The following JAKMIP3 variants were observed in gnomAD, a reference collection of about 807,000 sequenced individuals.
JAKMIP3 encodes the protein Janus kinase and microtubule interacting protein 3.
A neutral mutation model predicts 118.5 loss-of-function variants in JAKMIP3; 58 were observed. The ratio of observed to expected loss-of-function variants is 0.49; its 90% CI spans 0.40 to 0.61. JAKMIP3 has a LOEUF of 0.61. JAKMIP3 is among the 20% of genes least tolerant of loss of function. JAKMIP3 has a pLI of 0.00. For synonymous variants in JAKMIP3, 486 were observed against 451.2 expected (o/e 1.08, Z -0.98); for missense variants, 950 against 1,109.0 (o/e 0.86, Z 2.04).
intron 7 of JAKMIP3, 29 bp downstream of exon 7, chr10:132,137,179 C>T (rs372686219): frequency 7.3e-5 from 118 of 1,613,758 alleles, no homozygotes; most frequent in East Asian, 3.6e-4. Context: ...GCTGCGGCCC[C>T]GTCCTCTGGC....
chr10:132,086,741 A>G (rs930040453), intron 1 of JAKMIP3, among the ~76,000 whole-genome samples: 5 of 152,158 alleles, frequency 3.3e-5, no homozygotes, highest in Non-Finnish European at 5.9e-5. Flanking sequence ...CCTTAAGTTT[A>G]TGTGAGTCCT....
At chr10:132,071,876 C>CTTTCTTTCTTTCCTTCCTTTCTTTCT (rs202017307) in intron 1 of JAKMIP3, among the ~76,000 whole-genome samples, 3 of 41,844 alleles carry the variant, frequency 7.2e-5, no homozygotes, top group African/African-American at 2.4e-4. Context: ...TCTTTCTTTC[C>CTTTCTTTCTTTCCTTCCTTTCTTTCT]TTCCTTTCTT....
intron 23 of JAKMIP3, among the ~76,000 whole-genome samples, chr10:132,173,540 C>G (rs974347222): frequency 6.6e-5 from 10 of 152,104 alleles, no homozygotes; most frequent in Non-Finnish European, 4.4e-5. Context: ...CAGGTGGGGT[C>G]TCTTCTTACC....
intron 1 of JAKMIP3, among the ~76,000 whole-genome samples, chr10:132,050,107 T>C (rs2038055431): frequency 6.6e-6 from 1 of 152,338 alleles, no homozygotes; most frequent in African/African-American, 2.4e-5. Context: ...TCTCTCTTCC[T>C]TTTTGCCTTC....
chr10:132,046,472 C>A (rs4880309), intron 1 of JAKMIP3, among the ~76,000 whole-genome samples: 1 of 131,634 alleles, frequency 7.6e-6, no homozygotes, highest in South Asian at 2.7e-4. Flanking sequence ...AAAAAAAAAA[C>A]AACCATCCAG....
At chr10:132,147,816 C>T (rs962948030) in intron 13 of JAKMIP3, 136 bp from the exon 14 acceptor site, 6 of 602,914 alleles carry the variant, frequency 1.0e-5, no homozygotes, top group East Asian at 2.9e-5. Context: ...GGCTGTGAGG[C>T]GCTTCCAGGG....
chr10:132,077,620 T>C (rs572726103), intron 1 of JAKMIP3, among the ~76,000 whole-genome samples: 32 of 152,264 alleles, frequency 2.1e-4, no homozygotes, highest in Non-Finnish European at 4.0e-4. Flanking sequence ...TGACATTCTC[T>C]TGTGATTTTC....
chr10:132,154,065 C>A lies in JAKMIP3; in HGVS notation c.2220+75C>A. On this transcript the variant is annotated intron_variant, in intron 19 of 23. Transcript: ENST00000684848. ...ACGGCCACGTGGCTCAGGTGCCCAG[C>A]AGTGCCTCAGGTGCCCATGTGGGCC... 2.9e-6 allele frequency: 4 copies of A among 1,373,628 alleles called. No homozygotes were observed. The South Asian group carries it at 3.6e-5, about 12-fold the overall frequency. 85.1% of individuals were successfully genotyped at this position (1,373,628 alleles called of 1,614,324 possible).
At chr10:132,043,638 A>G (rs771034552) in intron 1 of JAKMIP3, among the ~76,000 whole-genome samples, 3 of 152,132 alleles carry the variant, frequency 2.0e-5, no homozygotes, top group Non-Finnish European at 2.9e-5. Context: ...GGCTTTACCA[A>G]TGTGGGGGTC....
At position 132,179,760 on chromosome 10, in the gene JAKMIP3, C is replaced by T. The variant is rs1298503742; in HGVS notation, c.*1104-2597C>T. Among the ~76,000 whole-genome samples, 14 of 152,152 alleles carry T rather than the reference C, an allele frequency of 9.2e-5. No homozygotes were observed. The highest frequency in any genetic ancestry group is 3.9e-4 in the Admixed American group (6 of 15,290). On this transcript the variant is annotated intron_variant, in intron 23 of 23. Coordinates refer to ENST00000684848, the MANE Select transcript of JAKMIP3 (RefSeq NM_001323087.2). The surrounding 1 kb of genome is among the most constrained non-coding windows in gnomAD (Gnocchi z 4.3). ...GCAGGGTCACGCCACGGCAGGGTCACACCACAACAGCCACACCATGGCACA... is the reference window on the plus strand; with the variant it reads ...GCAGGGTCACGCCACGGCAGGGTCATACCACAACAGCCACACCATGGCACA...
intron 3 of JAKMIP3, among the ~76,000 whole-genome samples, chr10:132,124,729 G>T (rs1298379727): frequency 6.6e-6 from 1 of 152,238 alleles, no homozygotes; most frequent in South Asian, 2.1e-4. Context: ...CTGGGTGGCC[G>T]CGTGCATGCC....
chr10:132,136,217 A>G, intron 6 of JAKMIP3, 141 bp downstream of exon 6: 4 of 880,300 alleles, frequency 4.5e-6, no homozygotes, highest in Non-Finnish European at 6.9e-6. Flanking sequence ...GGCCTCACGC[A>G]TGTTTGAAGG....
chr10:132,111,263 CA>C (rs144366487), intron 2 of JAKMIP3, among the ~76,000 whole-genome samples: 1,770 of 152,242 alleles, frequency 0.012, 32 homozygotes, highest in African/African-American at 0.04. Flanking sequence ...ATGACGGGGA[CA>C]GGGGCCGAGG....
rs1389166223 is a variant in JAKMIP3 at position 132,180,694 on chromosome 10, T to TGCGTGTGTGTGTGC, written c.*1104-1651_*1104-1638dup. ...GTGTGTGCGCGCGCGTGTGTGTGCG[T>TGCGTGTGTGTGTGC]GCGTGTGTGTGTGCGCGTGTGTGTG... On this transcript the variant is annotated intron_variant, in intron 23 of 23. Transcript: ENST00000684848. Among the ~76,000 whole-genome samples, 5 of 16,906 alleles carry TGCGTGTGTGTGTGC rather than the reference T, an allele frequency of 3.0e-4. 2 individuals carry two copies. Among genetic ancestry groups the TGCGTGTGTGTGTGC allele is most frequent in the Admixed American group, 1.4e-3 (2 of 1,418 alleles). The allele number at this position is 16,906 out of a possible 152,430, so 11.1% of individuals were successfully genotyped here.
intron 1 of JAKMIP3, among the ~76,000 whole-genome samples, chr10:132,102,877 G>A (rs879809): frequency 7.2e-5 from 11 of 152,150 alleles, no homozygotes; most frequent in African/African-American, 2.2e-4. Flanking sequence ...CAGGAGTAGG[G>A]GGGGAGGGCT....
In JAKMIP3 at chr10:132,150,037, T is replaced by G; in HGVS notation, c.2003T>G (p.Val668Gly). 2.5e-6 allele frequency: 4 copies of G among 1,589,064 alleles called. No homozygotes were observed. The highest frequency in any genetic ancestry group is 2.6e-6 in the Non-Finnish European group (3 of 1,168,856). Residue 668 changes from valine to glycine, a missense_variant, in exon 16 of 24, where the codon GTA (valine) becomes GGA (glycine). Physicochemically the swap from Val to Gly is moderately radical, Grantham distance 109. Coordinates refer to ENST00000684848, the MANE Select transcript of JAKMIP3 (RefSeq NM_001323087.2). ...CTGGACATCCTGGGCGATAACGCCG[T>G]AAGTGTATGTCGCTCTCCTGGCTTG... ...KKLDILGDNA[V>G]SNLTNEEQVV...
chr10:132,100,161 C>T (rs575138308), intron 1 of JAKMIP3, among the ~76,000 whole-genome samples: 2 of 132,096 alleles, frequency 1.5e-5, no homozygotes, highest in South Asian at 2.5e-4. Flanking sequence ...GCTGCCCTCA[C>T]AGGCCCCCAC....
intron 11 of JAKMIP3, among the ~76,000 whole-genome samples, chr10:132,142,505 C>A (rs1389454271): frequency 6.6e-6 from 1 of 152,256 alleles, no homozygotes; most frequent in African/African-American, 2.4e-5. Context: ...GGCCCCTCTC[C>A]CCCGGCCTCC....
rs534779095 is a variant in JAKMIP3, at chr10:132,124,516, C to T, written c.633+6942C>T. Among the ~76,000 whole-genome samples the T allele has an allele frequency of 1.5e-3, 227 of 150,304 alleles. 1 individual carries two copies. Among genetic ancestry groups the T allele is most frequent in the African/African-American group, 5.3e-3 (221 of 41,334 alleles). On this transcript the variant is annotated intron_variant, in intron 3 of 23. Transcript: ENST00000684848. ...ATCCATTGCCACGCGGTCACCCATC[C>T]CACCCCGGCACATCACAGCTGAGCT...
Sources: gnomAD v4.1 joint callset for allele counts (sites outside exome capture counted in the v4.1 genomes callset) on GRCh38, gnomAD v4.1.1 for gene constraint, Gnocchi (gnomAD v3.1) non-coding constraint, MANE v1.5 for transcripts, NCBI Gene and HGNC (gene_info 2026-07-23, HGNC 2026-07-21) for gene names.